The following L3MBTL4 variants were observed in gnomAD, a reference collection of about 807,000 sequenced individuals.
The protein encoded by L3MBTL4 is L3MBTL histone methyl-lysine binding protein 4, also known as lethal(3)malignant brain tumor-like protein 4.
Under a neutral mutation model 84.5 loss-of-function variants are expected in L3MBTL4, and 70 were observed. The ratio of observed to expected loss-of-function variants is 0.83; its 90% confidence interval spans 0.68 to 1.01. The LOEUF is 1.01. Ranked by LOEUF, L3MBTL4 falls within the 50% of genes least tolerant of loss-of-function variation. The pLI is 0.00. For synonymous variants in L3MBTL4, 274 were observed against 259.8 expected (o/e 1.05, Z -0.52); for missense variants, 715 against 754.8 (o/e 0.95, Z 0.62).
At chr18:6,072,921 T>TAC (rs1327935730) in intron 16 of L3MBTL4, among the ~76,000 whole-genome samples, 1 of 91,300 alleles carries the variant, frequency 1.1e-5, no homozygotes, top group African/African-American at 4.7e-5. Context: ...TATATATATA[T>TAC]ATATACACAC....
At chr18:6,303,946 G>A (rs916490656) in intron 3 of L3MBTL4, among the ~76,000 whole-genome samples, 9 of 150,952 alleles carry the variant, frequency 6.0e-5, no homozygotes, top group South Asian at 4.2e-4. Context: ...CCCGGAAGGC[G>A]GAGGTTGCAG....
chr18:6,158,097 G>A (rs1166411632), intron 13 of L3MBTL4, among the ~76,000 whole-genome samples: 2 of 152,144 alleles, frequency 1.3e-5, no homozygotes, highest in Non-Finnish European at 2.9e-5. Flanking sequence ...TTTGCATTAT[G>A]TGACTAACCA....
At chr18:6,350,138 T>G (rs2053111381) in intron 1 of L3MBTL4, among the ~76,000 whole-genome samples, 1 of 152,074 alleles carries the variant, frequency 6.6e-6, no homozygotes, top group Non-Finnish European at 1.5e-5. Context: ...ACATAATAGC[T>G]GAAACTATAA....
intron 1 of L3MBTL4, among the ~76,000 whole-genome samples, chr18:6,356,254 A>G (rs1436773607): frequency 1.3e-5 from 2 of 152,270 alleles, no homozygotes; most frequent in Non-Finnish European, 2.9e-5. Flanking sequence ...GAGAGAGGAC[A>G]CCGCTCCCAC....
At chr18:6,194,316 C>T (rs73383955) in intron 12 of L3MBTL4, among the ~76,000 whole-genome samples, 1 of 152,122 alleles carries the variant, frequency 6.6e-6, no homozygotes, top group African/African-American at 2.4e-5. Flanking sequence ...TCCCACAGGG[C>T]GTGGCGATGG....
At chr18:6,317,568 G>A (rs398645) in intron 1 of L3MBTL4, among the ~76,000 whole-genome samples, 28,158 of 151,922 alleles carry the variant, frequency 0.19, 2,687 homozygotes, top group Middle Eastern at 0.22. Flanking sequence ...AAATAAATAA[G>A]AAGGAATGAA....
At chr18:6,209,608 T>C (rs754000989) in intron 12 of L3MBTL4, among the ~76,000 whole-genome samples, 3 of 152,156 alleles carry the variant, frequency 2.0e-5, no homozygotes, top group Non-Finnish European at 4.4e-5. Flanking sequence ...ATCTGAAATA[T>C]AGAGTTATCA....
intron 16 of L3MBTL4, among the ~76,000 whole-genome samples, chr18:6,008,072 T>C (rs922768030): frequency 6.6e-6 from 1 of 152,232 alleles, no homozygotes; most frequent in African/African-American, 2.4e-5. Context: ...CCAGAGGATC[T>C]GTAAGATGTG....
At chr18:6,315,165 T>C (rs1016002611) in intron 1 of L3MBTL4, among the ~76,000 whole-genome samples, 6 of 152,242 alleles carry the variant, frequency 3.9e-5, no homozygotes, top group Non-Finnish European at 8.8e-5. Flanking sequence ...AGAACATTTC[T>C]GCTGGTTCTA....
At chr18:6,084,339 C>T (rs142209489) in intron 15 of L3MBTL4, among the ~76,000 whole-genome samples, 9 of 152,064 alleles carry the variant, frequency 5.9e-5, no homozygotes, top group African/African-American at 1.9e-4. Flanking sequence ...TAGCAGAGAC[C>T]TTTATAGCTG....
intron 10 of L3MBTL4, among the ~76,000 whole-genome samples, chr18:6,235,589 A>G (rs1886424856): frequency 6.6e-6 from 1 of 152,248 alleles, no homozygotes; most frequent in Middle Eastern, 3.2e-3. Context: ...AAAAGGTCAC[A>G]TATTGTATGA....
At position 5,983,524 on chromosome 18, in the gene L3MBTL4, G is replaced by A. The variant is rs569603231; in HGVS notation, c.1445-13962C>T. On this transcript the variant is annotated intron_variant, in intron 16 of 18. Coordinates refer to ENST00000317931, the MANE Select transcript of L3MBTL4 (RefSeq NM_001330559.2). The stretch of plus-strand genomic sequence containing the variant: ...GGATTAAAAAAAAAACAGTGTTAGG[G>A]AATAGAACAACTTTCCTGAAGCTAG... 3.9e-5 allele frequency among the ~76,000 whole-genome samples: 6 copies of A among 152,226 alleles called. No homozygotes were observed. The South Asian group carries it at 6.2e-4, about 16-fold the overall frequency.
At chr18:6,176,951 C>T (rs1466190122) in intron 12 of L3MBTL4, among the ~76,000 whole-genome samples, 3 of 152,194 alleles carry the variant, frequency 2.0e-5, no homozygotes, top group Non-Finnish European at 4.4e-5. Flanking sequence ...CATACCCACT[C>T]GAGTGATTTA....
At chr18:6,220,402 G>A (rs1176595921) in intron 10 of L3MBTL4, among the ~76,000 whole-genome samples, 1 of 152,094 alleles carries the variant, frequency 6.6e-6, no homozygotes, top group Admixed American at 6.5e-5. Context: ...TGTACTTGTT[G>A]TTCCTTTACC....
At chr18:6,095,159 T>C (rs2058590086) in intron 14 of L3MBTL4, among the ~76,000 whole-genome samples, 1 of 152,218 alleles carries the variant, frequency 6.6e-6, no homozygotes, top group Non-Finnish European at 1.5e-5. Context: ...GTTTTACATG[T>C]ATTATTTCTA....
At chr18:6,185,284 A>C (rs926738201) in intron 12 of L3MBTL4, among the ~76,000 whole-genome samples, 1 of 152,202 alleles carries the variant, frequency 6.6e-6, no homozygotes, top group Admixed American at 6.5e-5. Context: ...GTGAGGACTC[A>C]AGTGGGAAAT....
chr18:6,061,741 G>A (rs995899452), intron 16 of L3MBTL4, among the ~76,000 whole-genome samples: 3 of 151,396 alleles, frequency 2.0e-5, no homozygotes, highest in Non-Finnish European at 3.0e-5. Flanking sequence ...CACTTTATAC[G>A]ATTCAATTTT....
chr18:6,331,825 G>C (rs2052048850), intron 1 of L3MBTL4, among the ~76,000 whole-genome samples: 1 of 151,782 alleles, frequency 6.6e-6, no homozygotes, highest in Non-Finnish European at 1.5e-5. Flanking sequence ...TGGTATATTG[G>C]AGACAATCAC....
intron 12 of L3MBTL4, among the ~76,000 whole-genome samples, chr18:6,200,255 A>T (rs753438860): frequency 6.6e-6 from 1 of 152,102 alleles, no homozygotes; most frequent in Non-Finnish European, 1.5e-5. Flanking sequence ...GGGCTTTGGG[A>T]TTTTTCATGT....
Sources: allele counts gnomAD v4.1 joint callset (sites outside exome capture counted in the v4.1 genomes callset), GRCh38; gene constraint gnomAD v4.1.1; transcripts MANE v1.5; gene names NCBI Gene and HGNC (gene_info 2026-07-23, HGNC 2026-07-21).